The following UBE2G1 variants were observed in gnomAD, a reference collection of about 807,000 sequenced individuals.
The protein encoded by UBE2G1 is ubiquitin-conjugating enzyme E2 G1.
UBE2G1 carries 5 observed loss-of-function variants against 22.7 expected under a neutral mutation model. The ratio of observed to expected loss-of-function variants is 0.22; its 90% CI spans 0.12 to 0.46. The LOEUF is 0.46. UBE2G1 is among the 20% of genes least tolerant of loss of function. UBE2G1 has a pLI of 0.99. For missense variants in UBE2G1, 88 were observed against 203.9 expected, an observed-to-expected ratio of 0.43 and a Z score of 3.46; for synonymous variants, 74 against 67.5, an observed-to-expected ratio of 1.10 and a Z score of -0.47.
chr17:4,343,644 G>A (rs1969736155), intron 1 of UBE2G1, among the ~76,000 whole-genome samples: 3 of 151,622 alleles, frequency 2.0e-5, no homozygotes, highest in South Asian at 2.1e-4. Flanking sequence ...GCTGGAGTGT[G>A]GTGGCGCAAT....
At chr17:4,337,211 C>T (rs1969657750) in intron 1 of UBE2G1, among the ~76,000 whole-genome samples, 1 of 151,652 alleles carries the variant, frequency 6.6e-6, no homozygotes, top group African/African-American at 2.4e-5. Context: ...CATCCTGGCG[C>T]GTGCCTGAAG....
chr17:4,324,779 T>C (rs1023286956), intron 1 of UBE2G1, among the ~76,000 whole-genome samples: 3 of 152,096 alleles, frequency 2.0e-5, no homozygotes, highest in Admixed American at 2.0e-4. Context: ...GGATACTCTA[T>C]TTAACAACTA....
chr17:4,342,716 G>A (rs1377733745), intron 1 of UBE2G1, among the ~76,000 whole-genome samples: 5 of 152,140 alleles, frequency 3.3e-5, no homozygotes, highest in Non-Finnish European at 4.4e-5. Flanking sequence ...CTGACTCTCC[G>A]TGCAGTCTAT....
At chr17:4,354,430 G>A (rs373715622) in intron 1 of UBE2G1, among the ~76,000 whole-genome samples, 10 of 152,034 alleles carry the variant, frequency 6.6e-5, no homozygotes, top group African/African-American at 1.2e-4. Flanking sequence ...AGAACCCTCC[G>A]AAATTACATA....
chr17:4,353,790 G>A (rs901755203), intron 1 of UBE2G1, among the ~76,000 whole-genome samples: 8 of 149,962 alleles, frequency 5.3e-5, no homozygotes, highest in Admixed American at 2.0e-4. Flanking sequence ...GAATACAGGC[G>A]TGAGCCACCG....
chr17:4,298,882 A>T (rs11656664), intron 2 of UBE2G1, among the ~76,000 whole-genome samples: 83,252 of 152,044 alleles, frequency 0.55, 26,010 homozygotes, highest in East Asian at 0.8. Flanking sequence ...TTATCTATTG[A>T]AAGGAAGAAG....
intron 2 of UBE2G1, chr17:4,301,670 G>T: frequency 2.7e-6 from 2 of 747,344 alleles, no homozygotes; most frequent in South Asian, 1.3e-5. Context: ...AGGTTGTTTT[G>T]TTCTGGGTGG....
chr17:4,291,269 A>G (rs952892213), intron 3 of UBE2G1, among the ~76,000 whole-genome samples: 3 of 150,916 alleles, frequency 2.0e-5, no homozygotes, highest in Non-Finnish European at 4.4e-5. Flanking sequence ...CTGGGGCAGG[A>G]GAATTGCTTG....
intron 3 of UBE2G1, among the ~76,000 whole-genome samples, chr17:4,295,794 C>T (rs183225405): frequency 3.2e-4 from 48 of 149,942 alleles, no homozygotes; most frequent in Non-Finnish European, 5.9e-4. Context: ...TTAAATAAGA[C>T]GTAGTTATTG....
intron 1 of UBE2G1, among the ~76,000 whole-genome samples, chr17:4,342,493 T>C (rs1301963701): frequency 6.6e-6 from 1 of 152,220 alleles, no homozygotes; most frequent in Non-Finnish European, 1.5e-5. Context: ...CTGGGGAAGC[T>C]GAGGCTTGAG....
intron 1 of UBE2G1, among the ~76,000 whole-genome samples, chr17:4,319,130 T>C (rs1039037912): frequency 6.6e-6 from 1 of 152,190 alleles, no homozygotes; most frequent in African/African-American, 2.4e-5. Flanking sequence ...CTGGCATTCC[T>C]GAAGAGATCA....
intron 1 of UBE2G1, among the ~76,000 whole-genome samples, chr17:4,312,293 T>C (rs992034470): frequency 6.6e-6 from 1 of 151,972 alleles, no homozygotes; most frequent in South Asian, 2.1e-4. Context: ...TATCAGAATA[T>C]GGCTGATCAC....
At chr17:4,278,172 T>C (rs1968842859) in intron 5 of UBE2G1, among the ~76,000 whole-genome samples, 1 of 152,250 alleles carries the variant, frequency 6.6e-6, no homozygotes, top group African/African-American at 2.4e-5. Flanking sequence ...AGTGCTGGGC[T>C]TACATGCATG....
At chr17:4,316,370 CCTAA>C (rs1042393288) in intron 1 of UBE2G1, among the ~76,000 whole-genome samples, 2 of 152,218 alleles carry the variant, frequency 1.3e-5, no homozygotes, top group Admixed American at 6.5e-5. Flanking sequence ...CATAATTACT[CCTAA>C]CTATTGAGAT....
chr17:4,365,441 A>G (rs1970021522), intron 1 of UBE2G1, among the ~76,000 whole-genome samples: 1 of 152,186 alleles, frequency 6.6e-6, no homozygotes, highest in African/African-American at 2.4e-5. Flanking sequence ...AGGCCGGGAC[A>G]ATGGGGGAGG....
chr17:4,291,148 G>A (rs1383176384), intron 3 of UBE2G1, among the ~76,000 whole-genome samples: 1 of 152,178 alleles, frequency 6.6e-6, no homozygotes, highest in Non-Finnish European at 1.5e-5. Context: ...ATCACCTGCG[G>A]TCAGGAGTTT....
chr17:4,317,337 C>T (rs1043890309), intron 1 of UBE2G1, among the ~76,000 whole-genome samples: 4 of 151,828 alleles, frequency 2.6e-5, no homozygotes, highest in Non-Finnish European at 4.4e-5. Context: ...GCGACAAGAG[C>T]GAGACTTCGT....
intron 3 of UBE2G1, among the ~76,000 whole-genome samples, chr17:4,289,803 GCCT>G (rs1283019143): frequency 1.3e-5 from 2 of 152,074 alleles, no homozygotes; most frequent in Non-Finnish European, 2.9e-5. Flanking sequence ...CTATGTAATG[GCCT>G]CCTAGTTTCC....
In UBE2G1 at chr17:4,334,171, C is replaced by T. The variant is rs370654695; in HGVS notation, c.47-27048G>A. On this transcript the variant is annotated intron_variant, in intron 1 of 5. Transcript: ENST00000396981. ...TAGGCTCCTAGGCTCAAGCCATCCA[C>T]CTGCTTTGGCCTTCTAAAGTGCTGG... Among the ~76,000 whole-genome samples, 8 of 152,034 alleles carry T rather than the reference C, an allele frequency of 5.3e-5. 1 individual carries two copies. In the South Asian group the frequency reaches 1.7e-3, roughly 32 times the overall value.
Sources: allele counts gnomAD v4.1 joint callset (sites outside exome capture counted in the v4.1 genomes callset), GRCh38; gene constraint gnomAD v4.1.1; transcripts MANE v1.5; gene names NCBI Gene and HGNC (gene_info 2026-07-23, HGNC 2026-07-21).